The following MAP3K5 variants were observed in gnomAD, a reference collection of about 807,000 sequenced individuals.
The protein encoded by MAP3K5 is mitogen-activated protein kinase kinase kinase 5.
Under a neutral mutation model 158.7 loss-of-function variants are expected in MAP3K5, and 56 were observed. The observed-to-expected ratio is 0.35, with a 90% confidence interval of 0.28 to 0.44. The LOEUF (loss-of-function observed/expected upper bound fraction) is 0.44. Ranked by LOEUF, MAP3K5 falls within the 20% of genes least tolerant of loss-of-function variation. The pLI is 1.00. For synonymous variants in MAP3K5, 579 were observed against 601.7 expected (o/e 0.96, Z 0.55); for missense variants, 1,294 against 1,674.8 (o/e 0.77, Z 3.97).
At position 136,766,630 on chromosome 6, in the gene MAP3K5, T is replaced by C. The variant is rs75757580; in HGVS notation, c.448+25080A>G. Among the ~76,000 whole-genome samples the C allele has an allele frequency of 5.6e-3, 855 of 152,318 alleles. 6 individuals are homozygous for C. The highest frequency in any genetic ancestry group is 0.02 in the African/African-American group (814 of 41,574). The stretch of plus-strand genomic sequence containing the variant: ...TAAAGGATTTACACAGCAAAGAGCA[T>C]GTCAGTGTGATCTCCAAATTTAAGG... On this transcript the variant is annotated intron_variant, in intron 1 of 29. Transcript: ENST00000359015.
chr6:136,574,169 G>T (rs1427599594), intron 25 of MAP3K5, among the ~76,000 whole-genome samples: 3 of 152,122 alleles, frequency 2.0e-5, no homozygotes, highest in Non-Finnish European at 4.4e-5. Context: ...GGCCTCATGT[G>T]ATCTGCCTGC....
chr6:136,630,092 T>G (rs1250557198), intron 14 of MAP3K5, among the ~76,000 whole-genome samples: 1 of 152,150 alleles, frequency 6.6e-6, no homozygotes, highest in Admixed American at 6.6e-5. Flanking sequence ...CCTTCCTATC[T>G]AAAATTGCAC....
chr6:136,754,053 G>A (rs148635654), intron 1 of MAP3K5, among the ~76,000 whole-genome samples: 67 of 148,424 alleles, frequency 4.5e-4, no homozygotes, highest in African/African-American at 1.6e-3. Flanking sequence ...ACAGAGAATC[G>A]CTTGAGTCCA....
At chr6:136,699,019 A>G (rs532769938) in intron 3 of MAP3K5, among the ~76,000 whole-genome samples, 9 of 152,278 alleles carry the variant, frequency 5.9e-5, no homozygotes, top group African/African-American at 2.2e-4. Flanking sequence ...GGAACTTATA[A>G]TTTAGTCACA....
At chr6:136,700,134 AAGGGAGGAAGG>A (rs1026813629) in intron 3 of MAP3K5, among the ~76,000 whole-genome samples, 2 of 152,058 alleles carry the variant, frequency 1.3e-5, no homozygotes, top group African/African-American at 4.8e-5. Flanking sequence ...AGGAAAGAAG[AAGGGAGGAAGG>A]AGGGAGGGAG....
chr6:136,720,371 C>G (rs1404946923), intron 2 of MAP3K5, 79 bp downstream of exon 2: 3 of 1,309,012 alleles, frequency 2.3e-6, no homozygotes, highest in African/African-American at 1.5e-5. Context: ...ATAAAAGCTA[C>G]TTAAAATGTT....
At chr6:136,791,336 T>C (rs191192834) in intron 1 of MAP3K5, among the ~76,000 whole-genome samples, 1 of 151,622 alleles carries the variant, frequency 6.6e-6, no homozygotes, top group African/African-American at 2.4e-5. Flanking sequence ...CGGTCACAGG[T>C]ATATGCAGAA....
intron 11 of MAP3K5, among the ~76,000 whole-genome samples, chr6:136,647,295 T>C (rs1778305074): frequency 6.6e-6 from 1 of 152,212 alleles, no homozygotes; most frequent in South Asian, 2.1e-4. Context: ...ATGATTTCCA[T>C]TCATCCTCTC....
intron 1 of MAP3K5, among the ~76,000 whole-genome samples, chr6:136,749,499 G>A (rs1455992597): frequency 6.6e-6 from 1 of 151,834 alleles, no homozygotes; most frequent in African/African-American, 2.4e-5. Flanking sequence ...CAATATCTCA[G>A]GACCACTGTC....
chr6:136,712,104 AGTAG>A (rs1781333310), intron 2 of MAP3K5, among the ~76,000 whole-genome samples: 2 of 152,000 alleles, frequency 1.3e-5, no homozygotes, highest in African/African-American at 2.4e-5. Context: ...CTCTGCCGTA[AGTAG>A]GTATCTGTCT....
At chr6:136,612,932 G>A (rs1776407319) in intron 17 of MAP3K5, among the ~76,000 whole-genome samples, 188 bp downstream of exon 17, 1 of 152,186 alleles carries the variant, frequency 6.6e-6, no homozygotes, top group Non-Finnish European at 1.5e-5. Context: ...TGTTCCTTGA[G>A]CAGAAGCGTT....
At chr6:136,720,344 A>G in intron 2 of MAP3K5, 106 bp downstream of exon 2, 1 of 1,099,038 alleles carries the variant, frequency 9.1e-7, no homozygotes, top group Non-Finnish European at 1.3e-6. Context: ...AACCAAACAT[A>G]TAAAAGTCTT....
intron 23 of MAP3K5, among the ~76,000 whole-genome samples, chr6:136,590,339 T>C: frequency 6.6e-6 from 1 of 152,154 alleles, no homozygotes; most frequent in East Asian, 1.9e-4. Flanking sequence ...TAGCAAACTA[T>C]TATACCAAGG....
intron 1 of MAP3K5, among the ~76,000 whole-genome samples, chr6:136,743,015 G>A (rs1782776206): frequency 6.6e-6 from 1 of 152,036 alleles, no homozygotes; most frequent in Non-Finnish European, 1.5e-5. Flanking sequence ...CCTGAGCCCA[G>A]AAAGCTGAAG....
intron 14 of MAP3K5, among the ~76,000 whole-genome samples, chr6:136,625,599 A>G (rs1242287588): frequency 6.6e-6 from 1 of 152,228 alleles, no homozygotes; most frequent in Non-Finnish European, 1.5e-5. Context: ...TGAACTTCAA[A>G]TTAACACTTA....
chr6:136,745,901 C>G (rs1482648908), intron 1 of MAP3K5, among the ~76,000 whole-genome samples: 1 of 152,196 alleles, frequency 6.6e-6, no homozygotes, highest in Non-Finnish European at 1.5e-5. Context: ...AAGTCTCATC[C>G]TAACGTTAGC....
At chr6:136,565,812 G>A (rs1017608756) in intron 26 of MAP3K5, among the ~76,000 whole-genome samples, 6 of 152,100 alleles carry the variant, frequency 3.9e-5, no homozygotes, top group Non-Finnish European at 8.8e-5. Flanking sequence ...AGCAAACATC[G>A]TCCCTCATCT....
chr6:136,616,167 A>G (rs1776553366), intron 15 of MAP3K5, among the ~76,000 whole-genome samples: 1 of 152,182 alleles, frequency 6.6e-6, no homozygotes, highest in South Asian at 2.1e-4. Context: ...CTTGAGTGAG[A>G]TAACACCAGA....
chr6:136,665,592 C>T (rs529769224), intron 8 of MAP3K5, among the ~76,000 whole-genome samples: 9 of 152,066 alleles, frequency 5.9e-5, no homozygotes, highest in Admixed American at 2.0e-4. Context: ...GTAATCCACC[C>T]GCCTCCGCCT....
Sources: allele counts gnomAD v4.1 joint callset (sites outside exome capture counted in the v4.1 genomes callset), GRCh38; gene constraint gnomAD v4.1.1; transcripts MANE v1.5; gene names NCBI Gene and HGNC (gene_info 2026-07-23, HGNC 2026-07-21).